Variants in KDM4C observed in about 807,000 individuals in gnomAD.
KDM4C encodes lysine demethylase 4C, also known as lysine-specific demethylase 4C.
KDM4C carries 81 observed loss-of-function variants against 129.3 expected under a neutral mutation model. The observed-to-expected ratio is 0.63, with a 90% confidence interval of 0.52 to 0.75. The LOEUF (loss-of-function observed/expected upper bound fraction) is 0.75, where lower values mean the gene tolerates loss of function less well. Among genes scored for constraint, KDM4C ranks in the 30% least tolerant of loss-of-function variants. The pLI is 0.00. For synonymous variants in KDM4C, 573 were observed against 456.1 expected, an observed-to-expected ratio of 1.26 and a Z score of -3.26; for missense variants, 1,457 against 1,304.0, an observed-to-expected ratio of 1.12 and a Z score of -1.81.
At chr9:6,825,021 C>T (rs143255707) in intron 4 of KDM4C, among the ~76,000 whole-genome samples, 15 of 151,968 alleles carry the variant, frequency 9.9e-5, no homozygotes, top group African/African-American at 3.6e-4. Flanking sequence ...TGACATGCAC[C>T]TGTAGTCCCA....
At chr9:6,794,147 C>T (rs1333452351) in intron 2 of KDM4C, among the ~76,000 whole-genome samples, 1 of 152,188 alleles carries the variant, frequency 6.6e-6, no homozygotes, top group East Asian at 1.9e-4. Flanking sequence ...GTGGAGATTG[C>T]CTGCTATGTG....
At chr9:7,036,804 C>G (rs921160674) in intron 15 of KDM4C, among the ~76,000 whole-genome samples, 2 of 152,160 alleles carry the variant, frequency 1.3e-5, no homozygotes, top group African/African-American at 4.8e-5. Context: ...AGGGCAGGAT[C>G]TTTGTCATTC....
chr9:7,164,710 CT>C (rs1193156516), intron 19 of KDM4C, among the ~76,000 whole-genome samples: 2 of 152,186 alleles, frequency 1.3e-5, no homozygotes, highest in Non-Finnish European at 2.9e-5. Context: ...ACCTGGGTGT[CT>C]TTTAGTCTCC....
intron 17 of KDM4C, among the ~76,000 whole-genome samples, chr9:7,102,219 G>A (rs1048617776): frequency 2.7e-5 from 4 of 150,302 alleles, no homozygotes; most frequent in Non-Finnish European, 5.9e-5. Context: ...AGTACCTAAT[G>A]TATAGGGTCC....
intron 19 of KDM4C, among the ~76,000 whole-genome samples, chr9:7,142,175 C>A (rs1184844337): frequency 2.0e-5 from 3 of 152,186 alleles, no homozygotes; most frequent in Admixed American, 6.5e-5. Context: ...ATTCTAACGT[C>A]TCTTAATCCT....
intron 17 of KDM4C, among the ~76,000 whole-genome samples, chr9:7,086,990 C>T (rs1835197197): frequency 6.6e-6 from 1 of 152,224 alleles, no homozygotes; most frequent in East Asian, 1.9e-4. Flanking sequence ...TTGAAGACCT[C>T]TGGCATGCCA....
At chr9:7,047,040 C>A in intron 16 of KDM4C, 123 bp downstream of exon 16, 4 of 686,120 alleles carry the variant, frequency 5.8e-6, no homozygotes, top group Admixed American at 2.5e-5. Context: ...CTGCTCAGAT[C>A]TGAGGTTGGA....
chr9:7,138,748 A>G (rs1198231043), intron 19 of KDM4C, among the ~76,000 whole-genome samples: 4 of 152,018 alleles, frequency 2.6e-5, no homozygotes, highest in Non-Finnish European at 5.9e-5. Flanking sequence ...AAGCCCAGGA[A>G]GTTTGAGGTT....
intron 18 of KDM4C, among the ~76,000 whole-genome samples, chr9:7,105,706 A>T (rs960698458): frequency 6.6e-6 from 1 of 152,162 alleles, no homozygotes. Flanking sequence ...GGGATCATAC[A>T]TTACCGTTTT....
At chr9:7,051,277 C>T (rs1830119025) in intron 17 of KDM4C, among the ~76,000 whole-genome samples, 1 of 152,128 alleles carries the variant, frequency 6.6e-6, no homozygotes, top group African/African-American at 2.4e-5. Context: ...TTGACAGGGG[C>T]AATGACTGAA....
chr9:6,862,287 C>G (rs1471141895), intron 5 of KDM4C, among the ~76,000 whole-genome samples: 1 of 152,132 alleles, frequency 6.6e-6, no homozygotes, highest in African/African-American at 2.4e-5. Context: ...CTGTGCCTAC[C>G]TAATGAAGAT....
At chr9:6,888,443 A>G (rs887472451) in intron 7 of KDM4C, among the ~76,000 whole-genome samples, 14 of 152,228 alleles carry the variant, frequency 9.2e-5, no homozygotes, top group African/African-American at 3.4e-4. Flanking sequence ...ATCAATGATT[A>G]TGGTAGCACT....
At chr9:7,093,873 T>C (rs561761104) in intron 17 of KDM4C, among the ~76,000 whole-genome samples, 7 of 152,342 alleles carry the variant, frequency 4.6e-5, no homozygotes, top group Admixed American at 2.6e-4. Context: ...TCCCCGTGAC[T>C]GGTATTATCT....
intron 5 of KDM4C, among the ~76,000 whole-genome samples, chr9:6,859,063 AGCTT>A (rs1313544443): frequency 1.3e-5 from 2 of 152,166 alleles, no homozygotes; most frequent in African/African-American, 4.8e-5. Flanking sequence ...ATTTTTTATA[AGCTT>A]GCTTTTTAGT....
chr9:6,780,930 T>C (rs1824206011), intron 1 of KDM4C, among the ~76,000 whole-genome samples: 1 of 152,192 alleles, frequency 6.6e-6, no homozygotes, highest in African/African-American at 2.4e-5. Context: ...GTCTTGGCTT[T>C]TTGGTCCCTT....
intron 1 of KDM4C, among the ~76,000 whole-genome samples, chr9:6,744,653 C>T (rs1817818004): frequency 6.6e-6 from 1 of 152,172 alleles, no homozygotes; most frequent in South Asian, 2.1e-4. Flanking sequence ...TCTTGGCCTC[C>T]CAATGTACTA....
At position 7,004,858 on chromosome 9, in the gene KDM4C, A is replaced by G. The variant is rs373091022; in HGVS notation, c.1787-6840A>G. 1.8e-4 allele frequency among the ~76,000 whole-genome samples: 27 copies of G among 152,276 alleles called. No individual in the cohort carries two copies. The East Asian group carries it at 5.0e-3, about 28-fold the overall frequency. On this transcript the variant is annotated intron_variant, in intron 12 of 21. Coordinates refer to ENST00000381309, the MANE Select transcript of KDM4C (RefSeq NM_015061.6). Reference sequence around the variant, plus strand: ...TACATTTACAGCATACATTTTCAGAAATTTTCTGGATGGCTGCTGCGGGGT... The same window carrying G: ...TACATTTACAGCATACATTTTCAGAGATTTTCTGGATGGCTGCTGCGGGGT...
In KDM4C at chr9:6,814,663, A is replaced by G; in HGVS notation, c.353A>G (p.Asp118Gly). 1 of 1,608,142 alleles carries G rather than the reference A, an allele frequency of 6.2e-7. No individual in the cohort carries two copies. The change falls in exon 4 of 22, where the codon GAT (aspartate) becomes GGT (glycine). Residue 118 changes from aspartate (D) to glycine (G), a missense_variant. Coordinates refer to ENST00000381309, the MANE Select transcript of KDM4C (RefSeq NM_015061.6). ...ACTCCAAGATACTTGGATTACGAAGATTTGGAGCGCAAGTACTGGAAGAAC... is the reference window on the plus strand; with the variant it reads ...ACTCCAAGATACTTGGATTACGAAGGTTTGGAGCGCAAGTACTGGAAGAAC... ...YCTPRYLDYE[D>G]LERKYWKNLT...
At chr9:6,825,119 C>G (rs921067572) in intron 4 of KDM4C, among the ~76,000 whole-genome samples, 15 of 143,710 alleles carry the variant, frequency 1.0e-4, no homozygotes, top group Admixed American at 2.2e-4. Flanking sequence ...GCACTCCAGC[C>G]TGGGCAACCA....
Sources: allele counts gnomAD v4.1 joint callset (sites outside exome capture counted in the v4.1 genomes callset), GRCh38; gene constraint gnomAD v4.1.1; transcripts MANE v1.5; gene names NCBI Gene and HGNC (gene_info 2026-07-23, HGNC 2026-07-21).